Variants in IMMP2L observed in about 807,000 individuals in gnomAD.
IMMP2L encodes inner mitochondrial membrane peptidase subunit 2, also known as mitochondrial inner membrane protease subunit 2.
In IMMP2L, 18 loss-of-function variants were observed where a neutral mutation model predicts 19.3. The observed-to-expected ratio is 0.93, with a 90% CI of 0.64 to 1.38. The LOEUF is 1.38. Among genes scored for constraint, IMMP2L ranks in the 40% most tolerant of loss-of-function variants. The probability of loss-of-function intolerance (pLI) is 0.00; values close to 1 mark genes in which losing one functional copy is unlikely to be tolerated. For missense variants in IMMP2L, 233 were observed against 218.2 expected, an observed-to-expected ratio of 1.07 and a Z score of -0.43; for synonymous variants, 76 against 73.0, an observed-to-expected ratio of 1.04 and a Z score of -0.21.
intron 3 of IMMP2L, among the ~76,000 whole-genome samples, chr7:111,072,920 G>A (rs1209440560): frequency 6.7e-6 from 1 of 150,056 alleles, no homozygotes; most frequent in African/African-American, 2.5e-5. Context: ...AAAAAAAAAG[G>A]AGTCTAAAGA....
At chr7:110,850,993 T>A (rs1806161009) in intron 5 of IMMP2L, among the ~76,000 whole-genome samples, 2 of 152,080 alleles carry the variant, frequency 1.3e-5, no homozygotes, top group South Asian at 4.1e-4. Context: ...TTGTTCAGCA[T>A]CACAAAAACC....
intron 3 of IMMP2L, among the ~76,000 whole-genome samples, chr7:111,210,846 A>G (rs962246067): frequency 6.6e-6 from 1 of 152,194 alleles, no homozygotes; most frequent in African/African-American, 2.4e-5. Context: ...ATTACTCAAA[A>G]TGAGAAATAA....
At chr7:111,152,298 C>G (rs1335749384) in intron 3 of IMMP2L, among the ~76,000 whole-genome samples, 3 of 152,232 alleles carry the variant, frequency 2.0e-5, no homozygotes, top group Admixed American at 2.0e-4. Flanking sequence ...CCTTTGAGCA[C>G]TTAATGTTAC....
intron 3 of IMMP2L, among the ~76,000 whole-genome samples, chr7:111,045,764 C>T (rs946311055): frequency 6.6e-6 from 1 of 152,196 alleles, no homozygotes; most frequent in Non-Finnish European, 1.5e-5. Context: ...AAAAGGAATG[C>T]AGCCTTGCTG....
chr7:111,116,314 T>TA (rs1337627890), intron 3 of IMMP2L, among the ~76,000 whole-genome samples: 4 of 152,144 alleles, frequency 2.6e-5, no homozygotes, highest in Non-Finnish European at 5.9e-5. Flanking sequence ...CCCCTCCTTT[T>TA]AAAAAAATCT....
chr7:111,403,261 T>A (rs1833625837), intron 3 of IMMP2L, among the ~76,000 whole-genome samples: 1 of 151,704 alleles, frequency 6.6e-6, no homozygotes, highest in East Asian at 1.9e-4. Context: ...TCCTCCCCCC[T>A]CACTCTCTCT....
chr7:110,742,675 G>A (rs1319130732), intron 5 of IMMP2L, among the ~76,000 whole-genome samples: 1 of 150,552 alleles, frequency 6.6e-6, no homozygotes, highest in African/African-American at 2.4e-5. Flanking sequence ...GGCTGAGGCA[G>A]AGGAATCACT....
At chr7:111,257,365 A>G (rs1816828024) in intron 3 of IMMP2L, among the ~76,000 whole-genome samples, 1 of 151,856 alleles carries the variant, frequency 6.6e-6, no homozygotes, top group Admixed American at 6.6e-5. Flanking sequence ...ACTAAATTAA[A>G]CATTTTCCGC....
chr7:110,810,509 A>C (rs1401580001), intron 5 of IMMP2L, among the ~76,000 whole-genome samples: 1 of 152,056 alleles, frequency 6.6e-6, no homozygotes, highest in Non-Finnish European at 1.5e-5. Flanking sequence ...ATGAGAATGA[A>C]CATTTAAGCT....
intron 3 of IMMP2L, among the ~76,000 whole-genome samples, chr7:111,428,417 T>A (rs1380546570): frequency 6.6e-6 from 1 of 151,754 alleles, no homozygotes; most frequent in Non-Finnish European, 1.5e-5. Context: ...TTAAAAATAC[T>A]AAAATGGTTC....
At chr7:111,404,466 A>G (rs370857931) in intron 3 of IMMP2L, among the ~76,000 whole-genome samples, 20 of 152,116 alleles carry the variant, frequency 1.3e-4, no homozygotes, top group East Asian at 7.7e-4. Context: ...ACAAATCACA[A>G]GCGACCTCTG....
intron 3 of IMMP2L, among the ~76,000 whole-genome samples, chr7:111,261,752 A>C (rs1817331522): frequency 6.6e-6 from 1 of 152,150 alleles, no homozygotes; most frequent in African/African-American, 2.4e-5. Context: ...AGGCCATTTC[A>C]GGCATAAAAA....
chr7:111,092,099 CACAA>C (rs909586073), intron 3 of IMMP2L, among the ~76,000 whole-genome samples: 6 of 152,148 alleles, frequency 3.9e-5, no homozygotes, highest in African/African-American at 1.4e-4. Context: ...ATGAGCATAT[CACAA>C]ACAGTTATTG....
Position 111,018,787 on chromosome 7 carries a change from TTTATTATTATTATTATTA to T in IMMP2L, c.240-55240_240-55223del, listed in dbSNP as rs61180550. Among the ~76,000 whole-genome samples the T allele has an allele frequency of 5.2e-3, 742 of 141,488 alleles. 10 individuals carry two copies. Among genetic ancestry groups the T allele is most frequent in the African/African-American group, 0.014 (544 of 38,494 alleles). 92.8% of individuals were successfully genotyped at this position (141,488 alleles called of 152,430 possible). The stretch of plus-strand genomic sequence containing the variant: ...CTAACCACTGGAAATTGTGTGTCTT[TTTATTATTATTATTATTA>T]TTATTATTATTATTATTATTATTAT... On this transcript the variant is annotated intron_variant, in intron 3 of 5. Coordinates refer to ENST00000405709, the MANE Select transcript of IMMP2L (RefSeq NM_032549.4).
chr7:110,718,341 A>C (rs1363335632), intron 5 of IMMP2L, among the ~76,000 whole-genome samples: 1 of 152,228 alleles, frequency 6.6e-6, no homozygotes, highest in Non-Finnish European at 1.5e-5. Flanking sequence ...AGAGTGGTAG[A>C]TATTTGGAGC....
intron 4 of IMMP2L, among the ~76,000 whole-genome samples, chr7:110,905,193 A>G (rs147128690): frequency 6.6e-6 from 1 of 152,222 alleles, no homozygotes; most frequent in African/African-American, 2.4e-5. Flanking sequence ...TTTGGGTCAA[A>G]TCATTTCCAA....
At chr7:110,849,360 T>C (rs1805977967) in intron 5 of IMMP2L, among the ~76,000 whole-genome samples, 1 of 152,158 alleles carries the variant, frequency 6.6e-6, no homozygotes, top group African/African-American at 2.4e-5. Flanking sequence ...GATCTGTCTG[T>C]ACTTTTAAAA....
chr7:110,798,646 G>A (rs935231326), intron 5 of IMMP2L, among the ~76,000 whole-genome samples: 1 of 151,914 alleles, frequency 6.6e-6, no homozygotes, highest in Admixed American at 6.6e-5. Context: ...AAGCCAAATA[G>A]GAAGAAAGCG....
intron 5 of IMMP2L, among the ~76,000 whole-genome samples, chr7:110,744,595 C>T (rs778384387): frequency 2.6e-5 from 4 of 152,208 alleles, no homozygotes; most frequent in Non-Finnish European, 5.9e-5. Context: ...GCTGGTGCTA[C>T]CCAGGCAAAC....
Sources: allele counts gnomAD v4.1 joint callset (sites outside exome capture counted in the v4.1 genomes callset), GRCh38; gene constraint gnomAD v4.1.1; transcripts MANE v1.5; gene names NCBI Gene and HGNC (gene_info 2026-07-23, HGNC 2026-07-21).